The following DPP10 variants were observed in gnomAD, a reference collection of about 807,000 sequenced individuals.
The protein encoded by DPP10 is dipeptidyl peptidase like 10.
DPP10 carries 33 observed loss-of-function variants against 120.9 expected under a neutral mutation model. That is an observed-to-expected ratio of 0.27 (90% CI 0.21 to 0.37). The LOEUF (loss-of-function observed/expected upper bound fraction) is 0.37, where lower values mean the gene tolerates loss of function less well. DPP10 is among the 10% of genes least tolerant of loss of function. The pLI, the probability that DPP10 is intolerant of heterozygous loss-of-function variation, is 1.00. For synonymous variants in DPP10, 337 were observed against 326.1 expected (o/e 1.03, Z -0.36); for missense variants, 816 against 942.8 (o/e 0.87, Z 1.76).
chr2:115,580,777 C>T (rs915862979), intron 5 of DPP10, among the ~76,000 whole-genome samples: 3 of 152,158 alleles, frequency 2.0e-5, no homozygotes, highest in African/African-American at 7.2e-5. Context: ...TTCTTTCCCC[C>T]TTCATTGTTG....
intron 2 of DPP10, among the ~76,000 whole-genome samples, chr2:115,339,501 A>T (rs947737634): frequency 3.3e-5 from 5 of 152,018 alleles, no homozygotes; most frequent in Admixed American, 3.3e-4. Context: ...AAAAATCTAT[A>T]AAAAAATGTT....
At chr2:115,372,464 G>T (rs776577437) in intron 3 of DPP10, among the ~76,000 whole-genome samples, 1 of 152,130 alleles carries the variant, frequency 6.6e-6, no homozygotes, top group African/African-American at 2.4e-5. Flanking sequence ...ATTAAAATGT[G>T]TTGTAATTTT....
intron 11 of DPP10, among the ~76,000 whole-genome samples, chr2:115,755,169 A>T (rs1679240954): frequency 6.6e-6 from 1 of 152,098 alleles, no homozygotes; most frequent in Admixed American, 6.6e-5. Context: ...CATGTTTTTA[A>T]ACTGCATATA....
At chr2:115,562,197 A>T (rs1188299314) in intron 5 of DPP10, among the ~76,000 whole-genome samples, 1 of 152,114 alleles carries the variant, frequency 6.6e-6, no homozygotes, top group Non-Finnish European at 1.5e-5. Flanking sequence ...CCCCCTTTTC[A>T]TTGTTATAAC....
chr2:115,133,145 G>GTGTGCATATATATATA (rs1338395575), intron 1 of DPP10, among the ~76,000 whole-genome samples: 3 of 28,762 alleles, frequency 1.0e-4, no homozygotes, highest in Admixed American at 5.2e-4. Flanking sequence ...GTGTGTGTGT[G>GTGTGCATATATATATA]TATATATATA....
Position 115,727,709 on chromosome 2 carries a change from C to T in DPP10, c.577-107C>T, listed in dbSNP as rs188122956. 7.6e-5 allele frequency: 95 copies of T among 1,248,920 alleles called. No individual in the cohort carries two copies. In the African/African-American group the frequency reaches 9.1e-4, roughly 12 times the overall value. The allele number at this position is 1,248,920 out of a possible 1,614,324, so 77.4% of individuals were successfully genotyped here. A position where few individuals can be genotyped will look rare whatever the true frequency, so the allele number is the denominator to read the frequency against. The stretch of plus-strand genomic sequence containing the variant: ...CCTTGAATAAAAACAACTTGAAGCC[C>T]GTAAATAATACAACATGGCTATTCA... On this transcript the variant is annotated intron_variant, in intron 7 of 25. Transcript: ENST00000410059.
intron 7 of DPP10, among the ~76,000 whole-genome samples, chr2:115,704,108 A>C (rs2092001276): frequency 6.6e-6 from 1 of 151,898 alleles, no homozygotes; most frequent in African/African-American, 2.4e-5. Flanking sequence ...CTGGTCCATC[A>C]TCTGAGCTCC....
intron 5 of DPP10, among the ~76,000 whole-genome samples, chr2:115,567,298 C>T (rs1212038827): frequency 3.3e-5 from 5 of 152,080 alleles, no homozygotes; most frequent in African/African-American, 1.2e-4. Flanking sequence ...CCTTTTCAAT[C>T]CATTTTTAAA....
intron 4 of DPP10, among the ~76,000 whole-genome samples, chr2:115,513,943 CG>C (rs2077367515): frequency 6.6e-6 from 1 of 151,840 alleles, no homozygotes; most frequent in Non-Finnish European, 1.5e-5. Flanking sequence ...TTCCTTAGAG[CG>C]GGGCTAAAAG....
intron 1 of DPP10, among the ~76,000 whole-genome samples, chr2:114,526,923 T>C (rs1372582462): frequency 1.3e-5 from 2 of 152,210 alleles, no homozygotes; most frequent in South Asian, 2.1e-4. Context: ...TAGTTTCAAA[T>C]AGTTACACCT....
At chr2:114,641,944 T>A (rs1461276392) in intron 1 of DPP10, among the ~76,000 whole-genome samples, 1 of 151,908 alleles carries the variant, frequency 6.6e-6, no homozygotes, top group Non-Finnish European at 1.5e-5. Context: ...ATACACTTTT[T>A]CACTTTTAAA....
At chr2:114,516,189 A>G (rs1264511372) in intron 1 of DPP10, among the ~76,000 whole-genome samples, 2 of 152,210 alleles carry the variant, frequency 1.3e-5, no homozygotes, top group African/African-American at 2.4e-5. Context: ...GAGAGTCCCT[A>G]GAACTGTTGC....
At chr2:115,706,230 A>T (rs2092100016) in intron 7 of DPP10, among the ~76,000 whole-genome samples, 1 of 151,964 alleles carries the variant, frequency 6.6e-6, no homozygotes, top group African/African-American at 2.4e-5. Context: ...AAAATCACCT[A>T]CACATCAGGT....
At chr2:115,395,004 C>A (rs1462386617) in intron 3 of DPP10, among the ~76,000 whole-genome samples, 1 of 152,270 alleles carries the variant, frequency 6.6e-6, no homozygotes, top group Non-Finnish European at 1.5e-5. Context: ...TCATTGTAGA[C>A]AAAAGTTTAT....
chr2:114,825,801 A>G (rs933087028), intron 1 of DPP10, among the ~76,000 whole-genome samples: 17 of 152,212 alleles, frequency 1.1e-4, no homozygotes, highest in African/African-American at 4.1e-4. Context: ...AACAGTTTGC[A>G]TGCTACACTG....
intron 1 of DPP10, among the ~76,000 whole-genome samples, chr2:114,903,650 T>C (rs529437358): frequency 3.3e-5 from 5 of 152,350 alleles, no homozygotes; most frequent in Admixed American, 6.5e-5. Context: ...TTGTGACCTT[T>C]GTCTCCACAA....
At chr2:114,463,960 T>C (rs1679141335) in intron 1 of DPP10, among the ~76,000 whole-genome samples, 1 of 152,248 alleles carries the variant, frequency 6.6e-6, no homozygotes, top group East Asian at 1.9e-4. Flanking sequence ...ATCCACATTG[T>C]AGCATGGATT....
chr2:115,261,599 G>A (rs1256840527), intron 1 of DPP10, among the ~76,000 whole-genome samples: 1 of 152,170 alleles, frequency 6.6e-6, no homozygotes, highest in Non-Finnish European at 1.5e-5. Flanking sequence ...AGGACAAGGG[G>A]AGGGAATTTA....
rs79359836 is a variant in DPP10 at position 114,699,701 on chromosome 2, G to A, written c.60+256863G>A. Among the ~76,000 whole-genome samples the A allele has an allele frequency of 4.0e-4, 61 of 152,124 alleles. 1 individual carries two copies. The East Asian group carries it at 0.011, about 27-fold the overall frequency. On this transcript the variant is annotated intron_variant, in intron 1 of 25. Coordinates refer to ENST00000410059, the MANE Select transcript of DPP10 (RefSeq NM_020868.6). Reference sequence around the variant, plus strand: ...CAGATGAACCAGCTGAGTAAATGTGGGACTTGAAGGTTTCCCAATACTCTC... The same window carrying A: ...CAGATGAACCAGCTGAGTAAATGTGAGACTTGAAGGTTTCCCAATACTCTC...
Sources: gnomAD v4.1 joint callset for allele counts (sites outside exome capture counted in the v4.1 genomes callset) on GRCh38, gnomAD v4.1.1 for gene constraint, MANE v1.5 for transcripts, NCBI Gene and HGNC (gene_info 2026-07-23, HGNC 2026-07-21) for gene names.